The following CDAN1 variants were observed in gnomAD, a reference collection of about 807,000 sequenced individuals.
CDAN1 encodes the protein codanin 1, also known as codanin-1.
In CDAN1, 107 loss-of-function variants were observed where a neutral mutation model predicts 139.8. The observed-to-expected ratio is 0.77, with a 90% CI of 0.65 to 0.90. The LOEUF (loss-of-function observed/expected upper bound fraction) is 0.90. Ranked by LOEUF, CDAN1 falls within the 40% of genes least tolerant of loss-of-function variation. The pLI is 0.00. For synonymous variants in CDAN1, 776 were observed against 660.6 expected (o/e 1.17, Z -2.68); for missense variants, 1,667 against 1,575.7 (o/e 1.06, Z -0.98).
intron 25 of CDAN1, 121 bp downstream of exon 25, chr15:42,725,976 A>C (rs1213533462): frequency 9.0e-6 from 1 of 111,282 alleles, no homozygotes; most frequent in East Asian, 1.7e-4. Context: ...ATTCCGTCTC[A>C]AAAAAAAAAA....
chr15:42,731,133 T>C, intron 12 of CDAN1, 62 bp from the exon 13 acceptor site: 1 of 1,614,198 alleles, frequency 6.2e-7, no homozygotes, highest in South Asian at 1.1e-5. Flanking sequence ...ATTCCCGATC[T>C]GTTATAAAGT....
chr15:42,734,518 A>G (rs2061660826), intron 6 of CDAN1, among the ~76,000 whole-genome samples, 172 bp from the exon 7 acceptor site: 1 of 152,236 alleles, frequency 6.6e-6, no homozygotes, highest in Admixed American at 6.5e-5. Context: ...AGGGGAGGAT[A>G]TGAGACTTTA....
At chr15:42,736,866 G>A (rs1346570771) in intron 1 of CDAN1, 86 bp from the exon 2 acceptor site, 2 of 1,448,072 alleles carry the variant, frequency 1.4e-6, no homozygotes, top group Non-Finnish European at 1.8e-6. Flanking sequence ...GGCGCGCCTC[G>A]GGTGGGCGGC....
Position 42,735,881 on chromosome 15 carries a change from T to C in CDAN1, c.767A>G (p.Lys256Arg), listed in dbSNP as rs1432474719. ...AGGAGCGGCCAGGCCATACCGCTCC[T>C]TCCTGAGCATCTCTCGCTCCTCTTG... ...SLQEEREMLR[K>R]ERSKQLQQSP... Residue 256 changes from lysine to arginine, a missense_variant, in exon 3 of 28, where the codon AAG (lysine) becomes AGG (arginine). This residue lies in a region of CDAN1 where 487 missense variants were observed against 422.2 expected (regional missense o/e 1.15). Coordinates refer to ENST00000356231, the MANE Select transcript of CDAN1 (RefSeq NM_138477.4). 1 of 1,614,010 alleles carries C rather than the reference T, an allele frequency of 6.2e-7. No individual in the cohort carries two copies. Among genetic ancestry groups the C allele is most frequent in the African/African-American group, 1.3e-5 (1 of 74,912 alleles).
chr15:42,726,459 A>G, intron 23 of CDAN1, 42 bp from the exon 24 acceptor site: 1 of 1,469,214 alleles, frequency 6.8e-7, no homozygotes, highest in East Asian at 2.5e-5. Context: ...GCTGGGGGCC[A>G]GGATGCCACA....
chr15:42,735,229 C>T (rs745765775), intron 5 of CDAN1, 32 bp downstream of exon 5: 1 of 1,600,354 alleles, frequency 6.2e-7, no homozygotes, highest in Non-Finnish European at 8.6e-7. Flanking sequence ...GTTTCTAGAC[C>T]CCATGTCTCA....
rs569058090 is a variant in CDAN1 at position 42,731,463 on chromosome 15, C to A, written c.1740-132G>T. ...GGCCCAGGAGCAATGAAATCACCCA[C>A]GTGGGTGACAGAATGAGAAGTGCAA... On this transcript the variant is annotated intron_variant, in intron 11 of 27. Coordinates refer to ENST00000356231, the MANE Select transcript of CDAN1 (RefSeq NM_138477.4). The A allele has an allele frequency of 2.7e-4, 385 of 1,448,154 alleles. 3 individuals are homozygous for A. In the African/African-American group the frequency reaches 4.9e-3, roughly 18 times the overall value. 89.7% of individuals were successfully genotyped at this position (1,448,154 alleles called of 1,614,324 possible). A position where few individuals can be genotyped will look rare whatever the true frequency, so the allele number is the denominator to read the frequency against.
chr15:42,728,210 C>A lies in CDAN1; in HGVS notation c.2862G>T (p.Pro954=). 1.2e-6 allele frequency: 2 copies of A among 1,613,704 alleles called. No homozygotes were observed. Among genetic ancestry groups the A allele is most frequent in the Non-Finnish European group, 1.7e-6 (2 of 1,179,950 alleles). The change falls in exon 21 of 28, where the codon CCG becomes CCT. Residue 954 remains proline (P), a synonymous_variant. Transcript: ENST00000356231. ...AGGCCTCCCTCACACGTACGGCTGCCGGGGTCTCCTCTGGAAGCAGCGCCC... is the reference window on the plus strand; with the variant it reads ...AGGCCTCCCTCACACGTACGGCTGCAGGGGTCTCCTCTGGAAGCAGCGCCC... ...AVRALLPEET[P]AAVLSSAENI...
At chr15:42,729,922 A>ACCGGCCCC in intron 15 of CDAN1, 37 bp from the exon 16 acceptor site, 1 of 1,513,206 alleles carries the variant, frequency 6.6e-7, no homozygotes. Context: ...AACTTCAGAG[A>ACCGGCCCC]CCCCCACCCA....
rs781152169 is a variant in CDAN1 at position 42,725,468 on chromosome 15, T to C, written c.3450+21A>G. ...TGTTCAGAGTGTGACTGCAGAGGGC[T>C]TCTTGTTCCGTCTGACTCACCTCCC... is the stretch of plus-strand genomic sequence containing the variant. On this transcript the variant is annotated intron_variant, in intron 26 of 27. Coordinates refer to ENST00000356231, the MANE Select transcript of CDAN1 (RefSeq NM_138477.4). 4 of 1,614,082 alleles carry C rather than the reference T, an allele frequency of 2.5e-6. No individual in the cohort carries two copies. In the South Asian group the frequency reaches 3.3e-5, roughly 13 times the overall value.
At chr15:42,731,549 A>C (rs916069746) in intron 11 of CDAN1, 71 bp downstream of exon 11, 3 of 1,538,368 alleles carry the variant, frequency 2.0e-6, no homozygotes, top group Non-Finnish European at 2.7e-6. Flanking sequence ...CTGGAGAACT[A>C]TTTACCCTTT....
At chr15:42,726,063 G>A in intron 25 of CDAN1, 34 bp downstream of exon 25, 1 of 1,597,106 alleles carries the variant, frequency 6.3e-7, no homozygotes, top group Non-Finnish European at 8.6e-7. Flanking sequence ...TGGGGGATCA[G>A]GCAAGAGAGG....
Position 42,729,614 on chromosome 15 carries a change from C to G in CDAN1, c.2361G>C (p.Ala787=). 6.2e-7 allele frequency: 1 copy of G among 1,613,990 alleles called. No individual in the cohort carries two copies. The highest frequency in any genetic ancestry group is 1.1e-5 in the South Asian group (1 of 91,074). Residue 787 remains alanine, a synonymous_variant, in exon 17 of 28, where the codon GCG becomes GCC. Transcript: ENST00000356231. ...TVAPEHGLDN[A]PVVDQQLLYT... ...AGAGCAGCTGCTGGTCCACCACAGG[C>G]GCATTGTCCTGGGGAGAAAAGGTTG... is the stretch of plus-strand genomic sequence containing the variant.
At chr15:42,729,177 C>A (rs368961483) in intron 18 of CDAN1, 51 bp from the exon 19 acceptor site, 1 of 1,609,894 alleles carries the variant, frequency 6.2e-7, no homozygotes, top group Non-Finnish European at 8.5e-7. Context: ...TCCCTGTCCC[C>A]GCCCCCAACC....
intron 9 of CDAN1, 138 bp from the exon 10 acceptor site, chr15:42,732,546 G>C: frequency 1.3e-6 from 1 of 767,930 alleles, no homozygotes; most frequent in Non-Finnish European, 2.3e-6. Flanking sequence ...AGCCTGCAAA[G>C]GGACACTGAA....
In CDAN1 at chr15:42,734,234, C is replaced by T. The variant is rs1408783839; in HGVS notation, c.1249G>A (p.Val417Ile). The stretch of plus-strand genomic sequence containing the variant: ...TAAGCTGGGGTTACTACCTTGGCAA[C>T]ACTGCCCTCATAGGCAGCTCGAAGG... The part of the protein sequence containing the change: ...GRLRAAYEGS[V>I]AKVSLVMPPS... Residue 417 changes from valine (V) to isoleucine (I), a missense_variant, in exon 7 of 28, where the codon GTT (valine) becomes ATT (isoleucine). Transcript: ENST00000356231. 2 of 1,614,124 alleles carry T rather than the reference C, an allele frequency of 1.2e-6. No individual in the cohort carries two copies. Among genetic ancestry groups the T allele is most frequent in the Admixed American group, 1.7e-5 (1 of 60,032 alleles).
intron 24 of CDAN1, 48 bp from the exon 25 acceptor site, chr15:42,726,208 T>C: frequency 6.2e-7 from 1 of 1,608,742 alleles, no homozygotes; most frequent in Non-Finnish European, 8.5e-7. Context: ...ATCACCATGC[T>C]TACTGCTGCG....
rs748366139 is a variant in CDAN1 at position 42,730,195 on chromosome 15, T to A, written c.2195A>T (p.Glu732Val). The A allele has an allele frequency of 1.2e-6, 2 of 1,614,146 alleles. No individual in the cohort carries two copies. Among genetic ancestry groups the A allele is most frequent in the Admixed American group, 1.7e-5 (1 of 60,012 alleles). ...CAGGAAACACATCTTCCCCTCACTC[T>A]CCTGCGACAACACCAAGCTCCTGAA... is the stretch of plus-strand genomic sequence containing the variant. The part of the protein sequence containing the change: ...RLHRSLVLSQ[E>V]SEGKMCFLNK... Residue 732 changes from glutamate (E) to valine (V), a missense_variant, in exon 15 of 28, where the codon GAG becomes GTG. Coordinates refer to ENST00000356231, the MANE Select transcript of CDAN1 (RefSeq NM_138477.4).
In CDAN1 at chr15:42,730,987, G is replaced by C; in HGVS notation, c.1945C>G (p.Arg649Gly). 1 of 1,614,148 alleles carries C rather than the reference G, an allele frequency of 6.2e-7. No individual in the cohort carries two copies. The highest frequency in any genetic ancestry group is 8.5e-7 in the Non-Finnish European group (1 of 1,180,020). The change falls in exon 13 of 28, where the codon CGG (arginine) becomes GGG (glycine). Residue 649 changes from arginine (R) to glycine (G), a missense_variant. Arg to Gly is a moderately radical substitution (Grantham distance 125). Coordinates refer to ENST00000356231, the MANE Select transcript of CDAN1 (RefSeq NM_138477.4). ...CCGGTCGGGGGAGGTTCAGGCCCCCGGTATGGCAGGAAAGCCACAAAGCCC... is the reference window on the plus strand; with the variant it reads ...CCGGTCGGGGGAGGTTCAGGCCCCCCGTATGGCAGGAAAGCCACAAAGCCC... ...FLGFVAFLPY[R>G]GPEPPPTGEL... is the part of the protein sequence containing the mutation.
Sources: allele counts gnomAD v4.1 joint callset (sites outside exome capture counted in the v4.1 genomes callset), GRCh38; gene constraint gnomAD v4.1.1; regional missense constraint gnomAD v4.1.1; transcripts MANE v1.5; gene names NCBI Gene and HGNC (gene_info 2026-07-23, HGNC 2026-07-21).